Variants in IGBP1C observed in about 807,000 individuals in gnomAD.
The protein encoded by IGBP1C is immunoglobulin-binding protein 1 family member C.
the IGBP1C span, among the ~76,000 whole-genome samples, chr17:58,687,673 A>C: frequency 6.6e-6 from 1 of 152,118 alleles, no homozygotes; most frequent in African/African-American, 2.4e-5. Context: ...TTAGGCTAAA[A>C]AAAAAATAAA....
the IGBP1C span, among the ~76,000 whole-genome samples, chr17:58,662,165 T>C: frequency 6.8e-6 from 1 of 146,618 alleles, no homozygotes; most frequent in Admixed American, 6.8e-5. Context: ...CAAAAATTAC[T>C]GAGTGGCCAG....
the IGBP1C span, among the ~76,000 whole-genome samples, chr17:58,665,115 G>A: frequency 9.9e-5 from 15 of 152,008 alleles, no homozygotes; most frequent in Admixed American, 9.8e-4. Flanking sequence ...GGCAACATTC[G>A]ACATATTCAG....
chr17:58,668,472 G>C, the IGBP1C span, among the ~76,000 whole-genome samples: 2 of 152,194 alleles, frequency 1.3e-5, no homozygotes, highest in Non-Finnish European at 2.9e-5. Flanking sequence ...ACTGTCTACT[G>C]AATCATCTTA....
the IGBP1C span, among the ~76,000 whole-genome samples, chr17:58,674,237 C>G: frequency 6.6e-6 from 1 of 151,270 alleles, no homozygotes; most frequent in Non-Finnish European, 1.5e-5. Context: ...GATCGCACCA[C>G]TGCACTCCAG....
the IGBP1C span, among the ~76,000 whole-genome samples, chr17:58,662,443 A>G: frequency 6.6e-6 from 1 of 151,866 alleles, no homozygotes; most frequent in African/African-American, 2.4e-5. Context: ...ACACACACAC[A>G]CACACACACA....
At chr17:58,683,058 A>G in the IGBP1C span, among the ~76,000 whole-genome samples, 1 of 150,478 alleles carries the variant, frequency 6.6e-6, no homozygotes, top group Non-Finnish European at 1.5e-5. Flanking sequence ...GTCTCAAAAA[A>G]AAAAAAAAAA....
At chr17:58,683,635 C>T in the IGBP1C span, among the ~76,000 whole-genome samples, 5 of 149,328 alleles carry the variant, frequency 3.3e-5, no homozygotes, top group Non-Finnish European at 6.0e-5. Flanking sequence ...TAGTGGCTCA[C>T]GCCCGTAATC....
At chr17:58,669,616 C>T in the IGBP1C span, among the ~76,000 whole-genome samples, 1 of 147,910 alleles carries the variant, frequency 6.8e-6, no homozygotes, top group South Asian at 2.2e-4. Context: ...TGCCTGTAAT[C>T]CCAGCTACTC....
At chr17:58,688,132 GTTTTT>G in the IGBP1C span, among the ~76,000 whole-genome samples, 2 of 151,936 alleles carry the variant, frequency 1.3e-5, no homozygotes, top group African/African-American at 4.8e-5. Flanking sequence ...GTTTTGTTTT[GTTTTT>G]GAGACTGAGT....
the IGBP1C span, among the ~76,000 whole-genome samples, chr17:58,667,435 G>C: frequency 6.6e-6 from 1 of 152,220 alleles, no homozygotes; most frequent in East Asian, 1.9e-4. Flanking sequence ...ATGTGAGTCA[G>C]GCAACCCAAT....
chr17:58,682,065 GAGCCT>G, the IGBP1C span, among the ~76,000 whole-genome samples: 1 of 151,856 alleles, frequency 6.6e-6, no homozygotes, highest in Non-Finnish European at 1.5e-5. Flanking sequence ...GGGGTCAAGT[GAGCCT>G]CCTGAGTAGC....
At chr17:58,671,857 T>TTA in the IGBP1C span, among the ~76,000 whole-genome samples, 1 of 152,118 alleles carries the variant, frequency 6.6e-6, no homozygotes, top group Non-Finnish European at 1.5e-5. Context: ...ATCTAATCCT[T>TTA]TAGACTTTCC....
At chr17:58,660,568 G>A in the IGBP1C span, 99 of 787,270 alleles carry the variant, frequency 1.3e-4, 1 homozygote, top group African/African-American at 1.5e-3. Context: ...CTGCGGTGTT[G>A]TGGGAAGATT....
the IGBP1C span, chr17:58,679,530 G>A: frequency 6.6e-6 from 1 of 152,146 alleles, no homozygotes; most frequent in Non-Finnish European, 1.5e-5. Flanking sequence ...CCAGATCAGG[G>A]GAGAGAACCA....
chr17:58,683,996 C>T, the IGBP1C span, among the ~76,000 whole-genome samples: 94,430 of 151,810 alleles, frequency 0.62, 29,771 homozygotes, highest in African/African-American at 0.71. Flanking sequence ...ACCCGAGAGA[C>T]GGAGGTTGCA....
At chr17:58,669,697 G>A in the IGBP1C span, among the ~76,000 whole-genome samples, 20 of 129,664 alleles carry the variant, frequency 1.5e-4, no homozygotes, top group African/African-American at 6.0e-4. Flanking sequence ...TCACGCCACT[G>A]CACTCTAGAC....
chr17:58,691,406 C>T, the IGBP1C span, among the ~76,000 whole-genome samples: 1 of 152,000 alleles, frequency 6.6e-6, no homozygotes, highest in East Asian at 2.0e-4. Flanking sequence ...CGGTGGCTCA[C>T]GCCTGTACTC....
the IGBP1C span, among the ~76,000 whole-genome samples, chr17:58,688,057 G>A: frequency 1.3e-5 from 2 of 152,144 alleles, no homozygotes; most frequent in Admixed American, 1.3e-4. Context: ...TGTGGATCAA[G>A]TCAAAGAAAA....
chr17:58,673,484 A>AAAATAAATAAAT, the IGBP1C span, among the ~76,000 whole-genome samples: 2,977 of 143,484 alleles, frequency 0.021, 96 homozygotes, highest in East Asian at 0.14. Context: ...CTCCATCTCA[A>AAAATAAATAAAT]AAATAAATAA....
Sources: allele counts gnomAD v4.1 joint callset (sites outside exome capture counted in the v4.1 genomes callset), GRCh38; gene constraint gnomAD v4.1.1; transcripts MANE v1.5; gene names NCBI Gene and HGNC (gene_info 2026-07-23, HGNC 2026-07-21).